Variants in ALDH7A1 observed in about 807,000 individuals in gnomAD.
ALDH7A1 encodes alpha-aminoadipic semialdehyde dehydrogenase.
ALDH7A1 carries 63 observed loss-of-function variants against 79.9 expected under a neutral mutation model. That is an observed-to-expected ratio of 0.79 (90% CI 0.64 to 0.97). The LOEUF (loss-of-function observed/expected upper bound fraction) is 0.97, where lower values mean the gene tolerates loss of function less well. Among genes scored for constraint, ALDH7A1 ranks in the 50% least tolerant of loss-of-function variants. The pLI is 0.00. For missense variants in ALDH7A1, 627 were observed against 665.2 expected, an observed-to-expected ratio of 0.94 and a Z score of 0.63; for synonymous variants, 240 against 231.2, an observed-to-expected ratio of 1.04 and a Z score of -0.34.
At chr5:126,551,481 C>T (rs1169681633) in intron 14 of ALDH7A1, among the ~76,000 whole-genome samples, 2 of 152,052 alleles carry the variant, frequency 1.3e-5, no homozygotes, top group African/African-American at 4.8e-5. Context: ...AACACCACGC[C>T]TGGCTAATTT....
chr5:126,580,715 C>G (rs556809583), intron 5 of ALDH7A1, among the ~76,000 whole-genome samples: 2 of 152,312 alleles, frequency 1.3e-5, no homozygotes, highest in Admixed American at 6.5e-5. Flanking sequence ...ATAACCACTG[C>G]TACCACTTTA....
chr5:126,588,855 C>A (rs1240406777), intron 3 of ALDH7A1: 1 of 152,354 alleles, frequency 6.6e-6, no homozygotes, highest in Admixed American at 6.5e-5. Context: ...CCAGCCTAGG[C>A]AACAGAGCAA....
At chr5:126,587,100 A>G (rs1175813018) in intron 3 of ALDH7A1, 1 of 151,860 alleles carries the variant, frequency 6.6e-6, no homozygotes, top group Non-Finnish European at 1.5e-5. Context: ...AAGAAAGAAA[A>G]AAAAAAACAG....
At chr5:126,575,495 G>A (rs1750934740) in intron 6 of ALDH7A1, 31 bp from the exon 7 acceptor site, 1 of 1,592,408 alleles carries the variant, frequency 6.3e-7, no homozygotes, top group East Asian at 2.2e-5. Flanking sequence ...AAAAGAAAAA[G>A]AAAAACTTAT....
intron 8 of ALDH7A1, chr5:126,570,102 T>C (rs1223209949): frequency 1.3e-5 from 2 of 152,352 alleles, no homozygotes; most frequent in Non-Finnish European, 2.9e-5. Context: ...GGCAAATCCA[T>C]AGAGACAGAA....
chr5:126,571,150 A>ATTTTTTTTTTTTT lies in ALDH7A1; in HGVS notation c.696-304_696-292dup, dbSNP rs386404930. 4.8e-4 allele frequency: 107 copies of ATTTTTTTTTTTTT among 221,892 alleles called. 5 individuals are homozygous for ATTTTTTTTTTTTT. The highest frequency in any genetic ancestry group is 2.8e-3 in the African/African-American group (104 of 37,122). 13.7% of individuals were successfully genotyped at this position (221,892 alleles called of 1,614,324 possible). A position where few individuals can be genotyped will look rare whatever the true frequency, so the allele number is the denominator to read the frequency against. On this transcript the variant is annotated intron_variant, in intron 7 of 17. Transcript: ENST00000409134. ...GCCGTTTTCAAAAAACTATTAGCAG[A>ATTTTTTTTTTTTT]TTTTTTTTTTTTTTTTTTTTTTTTT...
intron 9 of ALDH7A1, chr5:126,564,290 G>C: frequency 3.9e-6 from 1 of 254,084 alleles, no homozygotes; most frequent in Non-Finnish European, 7.4e-6. Context: ...CAAGTAGCTG[G>C]GCATGCCGCC....
At chr5:126,553,791 G>C (rs1750082817) in intron 13 of ALDH7A1, among the ~76,000 whole-genome samples, 1 of 152,074 alleles carries the variant, frequency 6.6e-6, no homozygotes, top group Non-Finnish European at 1.5e-5. Flanking sequence ...TCCAGCCTAG[G>C]TGGCAGAGCA....
At position 126,562,896 on chromosome 5, in the gene ALDH7A1, CA is replaced by C. The variant is rs377371428; in HGVS notation, c.872-1773del. ...GTGAAATAAGGTAGTCACTAAAGGA[CA>C]AATACTTATAACCCCACTCAAATGA... On this transcript the variant is annotated intron_variant, in intron 9 of 17. Transcript: ENST00000409134. Among the ~76,000 whole-genome samples, 24 of 152,204 alleles carry C rather than the reference CA, an allele frequency of 1.6e-4. No homozygotes were observed. In the East Asian group the frequency reaches 4.3e-3, roughly 27 times the overall value.
At chr5:126,593,503 G>T in intron 1 of ALDH7A1, 99 bp from the exon 2 acceptor site, 1 of 1,519,818 alleles carries the variant, frequency 6.6e-7, no homozygotes, top group Non-Finnish European at 9.1e-7. Context: ...AGGAAAAAAT[G>T]ATATAATACC....
intron 3 of ALDH7A1, among the ~76,000 whole-genome samples, chr5:126,591,649 T>C (rs1751556568): frequency 6.6e-6 from 1 of 152,172 alleles, no homozygotes; most frequent in South Asian, 2.1e-4. Context: ...CCCAGTCTTT[T>C]CTTTTTACAA....
intron 1 of ALDH7A1, 88 bp downstream of exon 1, chr5:126,594,919 C>T (rs1751689062): frequency 6.6e-7 from 1 of 1,506,326 alleles, no homozygotes; most frequent in African/African-American, 1.4e-5. Flanking sequence ...CCGCATCCAG[C>T]GCCAGCGGGG....
chr5:126,571,344 G>A (rs1227183527), intron 7 of ALDH7A1, among the ~76,000 whole-genome samples: 3 of 151,234 alleles, frequency 2.0e-5, no homozygotes, highest in Non-Finnish European at 2.9e-5. Flanking sequence ...CGAGAGTGAC[G>A]GTGGGAGCCT....
rs1444234233 is a variant in ALDH7A1, at chr5:126,542,106, T to C, written c.*2859A>G. On this transcript the variant is annotated 3_prime_UTR_variant, in exon 18 of 18. Transcript: ENST00000409134. ...TTTCTTTTAATTTCCTCCAAAACAA[T>C]CATTGGCAGGAAGCTTCTGCAGGAT... is the stretch of plus-strand genomic sequence containing the variant. 1.6e-5 allele frequency: 2 copies of C among 122,406 alleles called. No individual in the cohort carries two copies. The highest frequency in any genetic ancestry group is 3.3e-5 in the Non-Finnish European group (2 of 60,582). 7.6% of individuals were successfully genotyped at this position (122,406 alleles called of 1,614,324 possible).
At chr5:126,590,220 C>T (rs1339130203) in intron 3 of ALDH7A1, among the ~76,000 whole-genome samples, 2 of 151,388 alleles carry the variant, frequency 1.3e-5, no homozygotes, top group African/African-American at 2.4e-5. Flanking sequence ...AAGTGAGGAG[C>T]GCCTCTGCCC....
chr5:126,552,917 T>G (rs1173496242), intron 13 of ALDH7A1, among the ~76,000 whole-genome samples: 1 of 150,938 alleles, frequency 6.6e-6, no homozygotes. Context: ...ACTCAGCTAA[T>G]TTTTTTTTGA....
At chr5:126,579,456 A>G (rs550854937) in intron 5 of ALDH7A1, among the ~76,000 whole-genome samples, 188 of 152,306 alleles carry the variant, frequency 1.2e-3, no homozygotes, top group African/African-American at 4.4e-3. Flanking sequence ...TATGCTGGAT[A>G]TAATTACCTG....
intron 13 of ALDH7A1, 113 bp from the exon 14 acceptor site, chr5:126,552,250 T>C (rs1750027218): frequency 1.4e-6 from 1 of 728,770 alleles, no homozygotes. Context: ...GCATCATTTA[T>C]AGGTGAATTA....
At position 126,542,657 on chromosome 5, in the gene ALDH7A1, CA is replaced by C. The variant is rs113950002; in HGVS notation, c.*2307del. On this transcript the variant is annotated 3_prime_UTR_variant, in exon 18 of 18. Transcript: ENST00000409134. Reference sequence around the variant, plus strand: ...TCCAGTGTGGGCAAAACTGAGACACCAAAAAAAAAGAAGTGTTCTGTGGTTG... The same window carrying C: ...TCCAGTGTGGGCAAAACTGAGACACCAAAAAAAAGAAGTGTTCTGTGGTTG... The C allele has an allele frequency of 3.3e-5, 5 of 150,170 alleles. No homozygotes were observed. The highest frequency in any genetic ancestry group is 4.9e-5 in the African/African-American group (2 of 40,844). 9.3% of individuals were successfully genotyped at this position (150,170 alleles called of 1,614,324 possible). A position where few individuals can be genotyped will look rare whatever the true frequency, so the allele number is the denominator to read the frequency against.
Sources: gnomAD v4.1 joint callset for allele counts (sites outside exome capture counted in the v4.1 genomes callset) on GRCh38, gnomAD v4.1.1 for gene constraint, MANE v1.5 for transcripts, NCBI Gene and HGNC (gene_info 2026-07-23, HGNC 2026-07-21) for gene names.